MAPK10: variants seen among roughly 807,000 people sequenced by gnomAD.
MAPK10 encodes the protein mitogen-activated protein kinase 10.
Under a neutral mutation model 59.3 loss-of-function variants are expected in MAPK10, and 25 were observed. That is an observed-to-expected ratio of 0.42 (90% confidence interval 0.31 to 0.59). The LOEUF is 0.59. Ranked by LOEUF, MAPK10 falls within the 20% of genes least tolerant of loss-of-function variation. The pLI is 0.15. For synonymous variants in MAPK10, 190 were observed against 200.5 expected (o/e 0.95, Z 0.44); for missense variants, 351 against 568.9 (o/e 0.62, Z 3.90).
At chr4:86,491,538 T>G (rs964257247) in intron 1 of MAPK10, among the ~76,000 whole-genome samples, 18 of 152,174 alleles carry the variant, frequency 1.2e-4, no homozygotes, top group African/African-American at 4.3e-4. Flanking sequence ...AAATATCTGG[T>G]TTCGCAGGAT....
chr4:86,405,879 GT>G (rs1361536178), intron 1 of MAPK10, among the ~76,000 whole-genome samples: 2 of 152,174 alleles, frequency 1.3e-5, no homozygotes, highest in Admixed American at 1.3e-4. Flanking sequence ...CCATCATCTT[GT>G]TCTTCCAAAC....
chr4:86,112,714 A>G (rs1382113771), intron 4 of MAPK10, among the ~76,000 whole-genome samples: 1 of 151,902 alleles, frequency 6.6e-6, no homozygotes, highest in Admixed American at 6.5e-5. Context: ...AAAGTTCTGT[A>G]GATATCTATC....
intron 2 of MAPK10, among the ~76,000 whole-genome samples, chr4:86,327,961 A>G: frequency 6.6e-6 from 1 of 151,904 alleles, no homozygotes. Flanking sequence ...AAATAGTAAT[A>G]ATAATAATAT....
chr4:86,066,672 G>A (rs907845357), intron 10 of MAPK10, among the ~76,000 whole-genome samples: 2 of 150,524 alleles, frequency 1.3e-5, no homozygotes, highest in Non-Finnish European at 2.9e-5. Flanking sequence ...GGTTGAGGCA[G>A]GAGAATGGAG....
intron 2 of MAPK10, among the ~76,000 whole-genome samples, chr4:86,215,189 G>A (rs866106247): frequency 7.2e-5 from 11 of 152,132 alleles, no homozygotes; most frequent in African/African-American, 2.7e-4. Flanking sequence ...AAACAGTACT[G>A]GGAAAACTGT....
chr4:86,436,576 A>G (rs1318151910), intron 1 of MAPK10, among the ~76,000 whole-genome samples: 1 of 152,150 alleles, frequency 6.6e-6, no homozygotes. Flanking sequence ...GCTGATGTGT[A>G]GAAATAAAAT....
At chr4:86,300,554 A>G (rs2095449931) in intron 2 of MAPK10, 1 of 152,236 alleles carries the variant, frequency 6.6e-6, no homozygotes, top group Non-Finnish European at 1.5e-5. Context: ...CATGTAATAC[A>G]CAAATACCCA....
intron 2 of MAPK10, among the ~76,000 whole-genome samples, chr4:86,351,368 GTATA>G (rs199684937): frequency 2.8e-5 from 4 of 142,518 alleles, no homozygotes; most frequent in Non-Finnish European, 6.1e-5. Flanking sequence ...ATGTGTGTGT[GTATA>G]TATATATACA....
intron 1 of MAPK10, among the ~76,000 whole-genome samples, chr4:86,381,014 A>G (rs1198490691): frequency 6.6e-6 from 1 of 152,152 alleles, no homozygotes; most frequent in East Asian, 1.9e-4. Flanking sequence ...TCATTGTTCT[A>G]GACTCTAGAG....
At chr4:86,289,877 A>C (rs2095165466) in intron 2 of MAPK10, among the ~76,000 whole-genome samples, 1 of 152,150 alleles carries the variant, frequency 6.6e-6, no homozygotes, top group Admixed American at 6.6e-5. Context: ...TCGTGGAGCA[A>C]TTCTAAGTTT....
chr4:86,409,511 T>G, intron 1 of MAPK10, among the ~76,000 whole-genome samples: 1 of 152,246 alleles, frequency 6.6e-6, no homozygotes, highest in East Asian at 1.9e-4. Context: ...ATTTTCATGA[T>G]ATTGATTCTT....
intron 1 of MAPK10, among the ~76,000 whole-genome samples, chr4:86,546,828 G>A (rs1467346805): frequency 3.3e-5 from 5 of 152,150 alleles, no homozygotes; most frequent in East Asian, 1.9e-4. Context: ...AGGCCGAGGC[G>A]GGTGGATCAC....
chr4:86,088,623 T>C (rs1420640955), intron 9 of MAPK10, among the ~76,000 whole-genome samples: 1 of 152,216 alleles, frequency 6.6e-6, no homozygotes, highest in Admixed American at 6.5e-5. Context: ...GTTAATAATA[T>C]GCAGAAAATA....
intron 3 of MAPK10, chr4:86,164,667 G>A (rs548627387): frequency 1.2e-4 from 19 of 152,086 alleles, no homozygotes; most frequent in African/African-American, 3.6e-4. Flanking sequence ...AATAACACAA[G>A]GGAAGAAAGA....
chr4:86,166,853 G>C (rs990026829), intron 3 of MAPK10, among the ~76,000 whole-genome samples: 5 of 151,772 alleles, frequency 3.3e-5, no homozygotes, highest in Middle Eastern at 3.4e-3. Context: ...AAAACTAGCA[G>C]AAAACAAGAA....
rs116664804 is a variant in MAPK10 at position 86,295,404 on chromosome 4, G to A, written c.-7+59126C>T. 4.1e-4 allele frequency among the ~76,000 whole-genome samples: 63 copies of A among 151,956 alleles called. 1 individual carries two copies. Among genetic ancestry groups the A allele is most frequent in the Middle Eastern group, 6.8e-3 (2 of 294 alleles). On this transcript the variant is annotated intron_variant, in intron 2 of 13. Coordinates refer to ENST00000641462, the MANE Select transcript of MAPK10 (RefSeq NM_138982.4). ...CTCCTTCCCAGCTTTATTTTCCTGCGTAGAATTTTATCACCATCTAACTTG... is the reference window on the plus strand; with the variant it reads ...CTCCTTCCCAGCTTTATTTTCCTGCATAGAATTTTATCACCATCTAACTTG...
chr4:86,441,808 C>G (rs1749461513), intron 1 of MAPK10, among the ~76,000 whole-genome samples: 1 of 152,162 alleles, frequency 6.6e-6, no homozygotes, highest in African/African-American at 2.4e-5. Flanking sequence ...TCCAGGCTCC[C>G]CCTATTGTCC....
intron 2 of MAPK10, among the ~76,000 whole-genome samples, chr4:86,300,337 G>T (rs1019418661): frequency 4.6e-5 from 7 of 152,072 alleles, no homozygotes; most frequent in African/African-American, 1.7e-4. Context: ...ACTTAGAAAA[G>T]CCTGACTATC....
At chr4:86,124,442 T>C (rs530044199) in intron 4 of MAPK10, 19 of 152,016 alleles carry the variant, frequency 1.2e-4, no homozygotes, top group African/African-American at 3.9e-4. Context: ...AAATAACTTT[T>C]TATACATAAG....
Sources: allele counts gnomAD v4.1 joint callset (sites outside exome capture counted in the v4.1 genomes callset), GRCh38; gene constraint gnomAD v4.1.1; transcripts MANE v1.5; gene names NCBI Gene and HGNC (gene_info 2026-07-23, HGNC 2026-07-21).